The following RBFOX3 variants were observed in gnomAD, a reference collection of about 807,000 sequenced individuals.
RBFOX3 encodes RNA binding protein fox-1 homolog 3.
A neutral mutation model predicts 48.7 loss-of-function variants in RBFOX3; 17 were observed. The ratio of observed to expected loss-of-function variants is 0.35; its 90% CI spans 0.24 to 0.52. The LOEUF is 0.52. RBFOX3 is among the 20% of genes least tolerant of loss of function. The probability of loss-of-function intolerance (pLI) is 0.94; values close to 1 mark genes in which losing one functional copy is unlikely to be tolerated. For missense variants in RBFOX3, 382 were observed against 497.5 expected, an observed-to-expected ratio of 0.77 and a Z score of 2.21; for synonymous variants, 212 against 209.5, an observed-to-expected ratio of 1.01 and a Z score of -0.10.
At chr17:79,327,340 C>T (rs947776214) in intron 2 of RBFOX3, among the ~76,000 whole-genome samples, 1 of 152,236 alleles carries the variant, frequency 6.6e-6, no homozygotes, top group Non-Finnish European at 1.5e-5. Flanking sequence ...TTGGCAACCT[C>T]ACCCTGGCAC....
chr17:79,106,608 G>A (rs771349891), intron 6 of RBFOX3, 43 bp downstream of exon 6: 538 of 1,414,280 alleles, frequency 3.8e-4, no homozygotes, highest in Non-Finnish European at 4.7e-4. Context: ...CTGGAGCTGG[G>A]GCAGGTGTGG....
chr17:79,588,834 G>A lies in RBFOX3; in HGVS notation c.-320+21992C>T, dbSNP rs927721786. Among the ~76,000 whole-genome samples the A allele has an allele frequency of 4.0e-4, 60 of 149,782 alleles. 2 individuals carry two copies. In the South Asian group the frequency reaches 0.012, roughly 30 times the overall value. On this transcript the variant is annotated intron_variant, in intron 1 of 14. Coordinates refer to ENST00000693108, the MANE Select transcript of RBFOX3 (RefSeq NM_001350451.2). ...TGAACTTCGACCTGGGCAATATAGC[G>A]AGATCCCATCCTGAGCTTGGGCCTG...
chr17:79,489,444 G>A (rs1038869153), intron 1 of RBFOX3, among the ~76,000 whole-genome samples: 6 of 152,098 alleles, frequency 3.9e-5, no homozygotes, highest in East Asian at 1.9e-4. Flanking sequence ...ACAGGTGTGC[G>A]CCACCATGCC....
In RBFOX3 at chr17:79,096,725, C is replaced by A; in HGVS notation, c.864G>T (p.Ala288=). ...TPEPAYPTSP[A]FPPLSCPFAS... ...CAAACGGACAAGAAAGTGGTGGGAA[C>A]GCTGGAGAGGTGGGGTAGGCCGGCT... Residue 288 remains alanine, a synonymous_variant, in exon 12 of 15, where the codon GCG becomes GCT. Transcript: ENST00000693108. The A allele has an allele frequency of 6.5e-7, 1 of 1,550,182 alleles. No individual in the cohort carries two copies. The highest frequency in any genetic ancestry group is 8.7e-7 in the Non-Finnish European group (1 of 1,145,818).
At chr17:79,459,376 C>A (rs2075064699) in intron 2 of RBFOX3, among the ~76,000 whole-genome samples, 1 of 152,186 alleles carries the variant, frequency 6.6e-6, no homozygotes, top group Non-Finnish European at 1.5e-5. Context: ...TCCCTCCACC[C>A]ACCCTCCAAG....
chr17:79,102,354 G>A (rs764722009), intron 8 of RBFOX3, among the ~76,000 whole-genome samples: 12 of 152,182 alleles, frequency 7.9e-5, no homozygotes, highest in Admixed American at 1.3e-4. Context: ...ATTGAGCCCC[G>A]AGGGCGTGGG....
At chr17:79,620,360 G>A in the RBFOX3 span, among the ~76,000 whole-genome samples, 1 of 111,146 alleles carries the variant, frequency 9.0e-6, no homozygotes, top group Non-Finnish European at 2.0e-5. Context: ...CACGGACATG[G>A]ACACACACGG....
At chr17:79,520,831 T>C (rs963467482) in intron 1 of RBFOX3, among the ~76,000 whole-genome samples, 37 of 152,164 alleles carry the variant, frequency 2.4e-4, no homozygotes, top group African/African-American at 8.9e-4. Flanking sequence ...CGCACACAGC[T>C]TCCAGACTGG....
At chr17:79,244,219 G>A (rs1014754100) in intron 3 of RBFOX3, among the ~76,000 whole-genome samples, 1 of 152,216 alleles carries the variant, frequency 6.6e-6, no homozygotes, top group African/African-American at 2.4e-5. Context: ...GACACAGAGA[G>A]ACACGCATTG....
chr17:79,501,783 A>G (rs2082419304), intron 1 of RBFOX3, among the ~76,000 whole-genome samples: 1 of 152,252 alleles, frequency 6.6e-6, no homozygotes, highest in Non-Finnish European at 1.5e-5. Flanking sequence ...TACAGTATTT[A>G]ACAACTGACC....
chr17:79,256,145 C>T (rs1184441149), intron 3 of RBFOX3, among the ~76,000 whole-genome samples: 3 of 151,778 alleles, frequency 2.0e-5, no homozygotes, highest in Non-Finnish European at 2.9e-5. Context: ...GCCAGGTGTG[C>T]ACCCCCGCCT....
chr17:79,649,609 C>G, the RBFOX3 span, among the ~76,000 whole-genome samples: 2 of 152,106 alleles, frequency 1.3e-5, no homozygotes, highest in Admixed American at 6.5e-5. Context: ...GGGAGGCTGA[C>G]GCAGGAGAAT....
chr17:79,420,128 T>TACACACACACAC (rs58282867), intron 2 of RBFOX3, among the ~76,000 whole-genome samples: 2,316 of 114,166 alleles, frequency 0.02, 75 homozygotes, highest in African/African-American at 0.042. Context: ...CTCCGTCTCA[T>TACACACACACAC]ACACACACAC....
At chr17:79,092,720 G>A in intron 14 of RBFOX3, 5 of 712,758 alleles carry the variant, frequency 7.0e-6, no homozygotes, top group Non-Finnish European at 8.6e-6. Context: ...AAAAAAAAAA[G>A]GAAAAACAAA....
intron 1 of RBFOX3, among the ~76,000 whole-genome samples, chr17:79,509,899 G>A (rs893342019): frequency 6.6e-6 from 1 of 152,082 alleles, no homozygotes; most frequent in Non-Finnish European, 1.5e-5. Context: ...TATGTCATCA[G>A]CAAAGATCCT....
At chr17:79,346,850 T>A (rs1176790439) in intron 2 of RBFOX3, among the ~76,000 whole-genome samples, 1 of 152,216 alleles carries the variant, frequency 6.6e-6, no homozygotes, top group Non-Finnish European at 1.5e-5. Flanking sequence ...CTAAAAACAA[T>A]GTCTTCTATT....
At chr17:79,332,471 A>G (rs1446119726) in intron 2 of RBFOX3, among the ~76,000 whole-genome samples, 1 of 152,094 alleles carries the variant, frequency 6.6e-6, no homozygotes, top group East Asian at 1.9e-4. Context: ...ACCTGAGTCA[A>G]TGAACAAAAA....
chr17:79,183,046 C>A (rs117935305), intron 4 of RBFOX3, among the ~76,000 whole-genome samples: 72,909 of 149,018 alleles, frequency 0.49, 18,855 homozygotes, highest in African/African-American at 0.66. Context: ...TCCGGCCCCC[C>A]CGCCTCGCGC....
chr17:79,326,175 G>A (rs9899636), intron 2 of RBFOX3, among the ~76,000 whole-genome samples: 1 of 152,048 alleles, frequency 6.6e-6, no homozygotes, highest in African/African-American at 2.4e-5. Context: ...AGGAGGCCGG[G>A]GATGGGGGTG....
Sources: gnomAD v4.1 joint callset for allele counts (sites outside exome capture counted in the v4.1 genomes callset) on GRCh38, gnomAD v4.1.1 for gene constraint, MANE v1.5 for transcripts, NCBI Gene and HGNC (gene_info 2026-07-23, HGNC 2026-07-21) for gene names.